The following CELF6 variants were observed in gnomAD, a reference collection of about 807,000 sequenced individuals.
CELF6 encodes Bruno -like 6, RNA binding protein.
Under a neutral mutation model 53.1 loss-of-function variants are expected in CELF6, and 32 were observed. That is an observed-to-expected ratio of 0.60 (90% confidence interval 0.46 to 0.81). The LOEUF is 0.81. CELF6 is among the 30% of genes least tolerant of loss of function. The pLI is 0.00. For synonymous variants in CELF6, 291 were observed against 288.8 expected (o/e 1.01, Z -0.08); for missense variants, 539 against 669.5 (o/e 0.81, Z 2.15).
chr15:72,313,430 C>A (rs1342440627), intron 2 of CELF6, among the ~76,000 whole-genome samples: 1 of 152,220 alleles, frequency 6.6e-6, no homozygotes, highest in African/African-American at 2.4e-5. Flanking sequence ...AACCTCATCT[C>A]TACTAAAATT....
intron 3 of CELF6, among the ~76,000 whole-genome samples, chr15:72,300,750 C>T (rs891476850): frequency 6.6e-6 from 1 of 151,946 alleles, no homozygotes; most frequent in Non-Finnish European, 1.5e-5. Context: ...AGGAGAATTG[C>T]TTGAACCCAG....
intron 2 of CELF6, among the ~76,000 whole-genome samples, chr15:72,305,454 G>A (rs987644143): frequency 6.6e-6 from 1 of 152,110 alleles, no homozygotes; most frequent in Non-Finnish European, 1.5e-5. Flanking sequence ...TGATTCACCC[G>A]CCTCAGCCTC....
At chr15:72,290,085 G>A in intron 4 of CELF6, 42 bp downstream of exon 4, 1 of 1,613,164 alleles carries the variant, frequency 6.2e-7, no homozygotes, top group Non-Finnish European at 8.5e-7. Context: ...GGCCCAGAGT[G>A]AGGAAGGGTC....
chr15:72,301,587 T>C (rs2088155898), intron 3 of CELF6, among the ~76,000 whole-genome samples: 1 of 152,178 alleles, frequency 6.6e-6, no homozygotes, highest in Non-Finnish European at 1.5e-5. Context: ...CGTAAATATA[T>C]CTGGTCAGGT....
Position 72,288,547 on chromosome 15 carries a change from G to T in CELF6, c.1165C>A (p.Gln389Lys). 1 of 1,604,002 alleles carries T rather than the reference G, an allele frequency of 6.2e-7. No homozygotes were observed. Among genetic ancestry groups the T allele is most frequent in the Non-Finnish European group, 8.5e-7 (1 of 1,174,184 alleles). ...PQQPSALPQQ[Q>K]REGPEGCNLF... ...GCCCCCAGTCCCTCACCTTCTCTCT[G>T]CTGCTGGGGCAGGGCTGAAGGCTGC... The change falls in exon 10 of 13, where the codon CAG (glutamine) becomes AAG (lysine). Residue 389 changes from glutamine (Q) to lysine (K), a missense_variant. By Grantham distance (53) the Gln-to-Lys change is moderately conservative. Transcript: ENST00000287202. This position sits in a 1 kb window ranked among gnomAD's most constrained non-coding sequence, Gnocchi z 4.6.
At chr15:72,318,587 G>A (rs1439373476) in intron 1 of CELF6, among the ~76,000 whole-genome samples, 1 of 152,154 alleles carries the variant, frequency 6.6e-6, no homozygotes, top group Non-Finnish European at 1.5e-5. Context: ...TGCCTGGACA[G>A]ACTTTTCTGC....
rs933747483 is a variant in CELF6, at chr15:72,317,595, C to T, written c.263-1668G>A. ...CACTGTGGCTGCCTGCCTCGGTACC[C>T]AGACATCAAAAGGAAAATGAGTCAC... On this transcript the variant is annotated intron_variant, in intron 1 of 12. Coordinates refer to ENST00000287202, the MANE Select transcript of CELF6 (RefSeq NM_052840.5). Among the ~76,000 whole-genome samples the T allele has an allele frequency of 2.0e-5, 3 of 152,144 alleles. No individual in the cohort carries two copies. The East Asian group carries it at 5.8e-4, about 29-fold the overall frequency.
rs780281447 is a variant in CELF6 at position 72,289,349 on chromosome 15, C to T, written c.880+26G>A. On this transcript the variant is annotated intron_variant, in intron 7 of 12. Coordinates refer to ENST00000287202, the MANE Select transcript of CELF6 (RefSeq NM_052840.5). The surrounding 1 kb of genome is among the most constrained non-coding windows in gnomAD (Gnocchi z 7.6). ...CCCGCCCCGCCCGGCCCCTCCCAGG[C>T]GCGCCCCAGTCCCTGGGGGCCGTAC... The T allele has an allele frequency of 6.5e-7, 1 of 1,541,654 alleles. No individual in the cohort carries two copies. Among genetic ancestry groups the T allele is most frequent in the Non-Finnish European group, 8.7e-7 (1 of 1,151,126 alleles).
At position 72,289,840 on chromosome 15, in the gene CELF6, C is replaced by T; in HGVS notation, c.604-70G>A. 2 of 1,484,344 alleles carry T rather than the reference C, an allele frequency of 1.3e-6. No individual in the cohort carries two copies. The highest frequency in any genetic ancestry group is 2.2e-5 in the Admixed American group (1 of 44,890). The allele number at this position is 1,484,344 out of a possible 1,614,324, so 91.9% of individuals were successfully genotyped here. On this transcript the variant is annotated intron_variant, in intron 5 of 12. Coordinates refer to ENST00000287202, the MANE Select transcript of CELF6 (RefSeq NM_052840.5). This position sits in a 1 kb window ranked among gnomAD's most constrained non-coding sequence, Gnocchi z 7.6. ...CCCCGGCCCGGGGCCGAGCGCCTTT[C>T]CCATCAGGTCCTTTCGCGGGGCACC...
intron 3 of CELF6, among the ~76,000 whole-genome samples, chr15:72,301,800 G>A (rs112385987): frequency 0.048 from 7,109 of 147,290 alleles, 501 homozygotes; most frequent in African/African-American, 0.15. Flanking sequence ...GCAGTGGTGC[G>A]ATCTTGGCTC....
intron 3 of CELF6, among the ~76,000 whole-genome samples, chr15:72,295,792 G>A (rs144660793): frequency 1.3e-5 from 2 of 151,364 alleles, no homozygotes; most frequent in African/African-American, 2.4e-5. Context: ...TCATGGATTC[G>A]AAGACTTAAT....
chr15:72,301,086 T>G (rs1279185732), intron 3 of CELF6, among the ~76,000 whole-genome samples: 1 of 152,012 alleles, frequency 6.6e-6, no homozygotes, highest in Non-Finnish European at 1.5e-5. Flanking sequence ...TGGGCTCAAG[T>G]GATCCTCCTG....
chr15:72,294,977 C>CAA (rs34499459), intron 3 of CELF6, among the ~76,000 whole-genome samples: 85,082 of 104,898 alleles, frequency 0.81, 35,108 homozygotes, highest in East Asian at 0.95. Context: ...GACTGTGTCT[C>CAA]AAAAAAAAAA....
intron 3 of CELF6, among the ~76,000 whole-genome samples, chr15:72,293,088 A>G (rs1046919863): frequency 6.6e-6 from 1 of 152,120 alleles, no homozygotes; most frequent in African/African-American, 2.4e-5. Flanking sequence ...GACTACTGGG[A>G]TGTACAGAGT....
chr15:72,297,735 C>T (rs978906392), intron 3 of CELF6, among the ~76,000 whole-genome samples: 8 of 152,108 alleles, frequency 5.3e-5, no homozygotes, highest in African/African-American at 9.7e-5. Context: ...GCCATGCTGA[C>T]GGAAATTGGG....
At chr15:72,312,124 A>G (rs2088304947) in intron 2 of CELF6, among the ~76,000 whole-genome samples, 1 of 152,186 alleles carries the variant, frequency 6.6e-6, no homozygotes, top group African/African-American at 2.4e-5. Context: ...CACCCTCTTC[A>G]GGTGGATTCT....
intron 2 of CELF6, among the ~76,000 whole-genome samples, chr15:72,307,314 C>G (rs1246448236): frequency 6.6e-6 from 1 of 152,126 alleles, no homozygotes; most frequent in East Asian, 1.9e-4. Context: ...CCCCCCTGGA[C>G]CTGACCTAGG....
At chr15:72,300,510 C>A (rs1336280379) in intron 3 of CELF6, among the ~76,000 whole-genome samples, 2 of 152,106 alleles carry the variant, frequency 1.3e-5, no homozygotes, top group African/African-American at 4.8e-5. Context: ...CATCAAAAGT[C>A]AAGTGACAGA....
chr15:72,318,218 C>T (rs1392254633), intron 1 of CELF6, among the ~76,000 whole-genome samples: 3 of 152,160 alleles, frequency 2.0e-5, no homozygotes, highest in Non-Finnish European at 4.4e-5. Flanking sequence ...TTAACACAAT[C>T]CCAGCCCAAA....
Sources: allele counts gnomAD v4.1 joint callset (sites outside exome capture counted in the v4.1 genomes callset), GRCh38; gene constraint gnomAD v4.1.1; non-coding constraint Gnocchi (gnomAD v3.1); transcripts MANE v1.5; gene names NCBI Gene and HGNC (gene_info 2026-07-23, HGNC 2026-07-21).